GCN1: variants seen among roughly 807,000 people sequenced by gnomAD.
GCN1 encodes the protein stalled ribosome sensor GCN1.
A neutral mutation model predicts 288.4 loss-of-function variants in GCN1; 90 were observed. The observed-to-expected ratio is 0.31, with a 90% CI of 0.26 to 0.37. The LOEUF is 0.37. GCN1 is among the 10% of genes least tolerant of loss of function. The probability of loss-of-function intolerance (pLI) is 1.00; values close to 1 mark genes in which losing one functional copy is unlikely to be tolerated. For missense variants in GCN1, 2,586 were observed against 3,419.9 expected, an observed-to-expected ratio of 0.76 and a Z score of 6.08; for synonymous variants, 1,386 against 1,420.2, an observed-to-expected ratio of 0.98 and a Z score of 0.54.
chr12:120,129,406 G>T lies in GCN1; in HGVS notation c.7760C>A (p.Pro2587His), dbSNP rs1209472111. ...ANKDPLPPLD[P>H]QAIKPILKAL... ...CTTCAGGATGGGCTTGATGGCCTGG[G>T]GGTCCAGGGGAGGCAGTGGGTCCTT... The change falls in exon 57 of 58, where the codon CCC (proline) becomes CAC (histidine). Residue 2587 changes from proline to histidine, a missense_variant. Physicochemically the swap from Pro to His is moderately conservative, Grantham distance 77. This residue lies in a region of GCN1 where 355 missense variants were observed against 431.1 expected (regional missense o/e 0.82). Transcript: ENST00000300648. 1.2e-6 allele frequency: 2 copies of T among 1,613,750 alleles called. No homozygotes were observed. Among genetic ancestry groups the T allele is most frequent in the Non-Finnish European group, 1.7e-6 (2 of 1,179,650 alleles).
chr12:120,176,740 T>C (rs2139132565), intron 9 of GCN1, among the ~76,000 whole-genome samples: 1 of 152,298 alleles, frequency 6.6e-6, no homozygotes, highest in African/African-American at 2.4e-5. Context: ...CTTTTGTGCA[T>C]TCTTCTGACA....
At chr12:120,163,017 T>C (rs759133169) in intron 19 of GCN1, 46 bp from the exon 20 acceptor site, 4 of 1,613,704 alleles carry the variant, frequency 2.5e-6, no homozygotes, top group Admixed American at 1.7e-5. Context: ...TGGCCTGCTC[T>C]TACCCCATCC....
In GCN1 at chr12:120,156,432, C is replaced by G. The variant is rs745911292; in HGVS notation, c.3312+29G>C. 2.4e-5 allele frequency: 39 copies of G among 1,608,666 alleles called. No homozygotes were observed. Among genetic ancestry groups the G allele is most frequent in the Non-Finnish European group, 3.3e-5 (39 of 1,176,700 alleles). On this transcript the variant is annotated intron_variant, in intron 28 of 57. Coordinates refer to ENST00000300648, the MANE Select transcript of GCN1 (RefSeq NM_006836.2). The surrounding 1 kb of genome is among the most constrained non-coding windows in gnomAD (Gnocchi z 5.8). ...CACTTGCATAGAGTGACAAGGGACA[C>G]TGCAGTGGCTCTGAGACTGAGCACA...
intron 16 of GCN1, among the ~76,000 whole-genome samples, chr12:120,167,082 G>A (rs973063400): frequency 1.3e-5 from 2 of 151,996 alleles, no homozygotes; most frequent in African/African-American, 4.8e-5. Context: ...GCTCATGCCT[G>A]TAATCCCAGC....
chr12:120,159,400 G>A (rs899148494), intron 24 of GCN1, among the ~76,000 whole-genome samples: 5 of 152,188 alleles, frequency 3.3e-5, no homozygotes, highest in Non-Finnish European at 7.3e-5. Context: ...AGAACTGCCA[G>A]CCACCCTACC....
At chr12:120,139,163 A>G (rs1335187787) in intron 45 of GCN1, among the ~76,000 whole-genome samples, 1 of 151,986 alleles carries the variant, frequency 6.6e-6, no homozygotes, top group Non-Finnish European at 1.5e-5. Context: ...TACAAAAATT[A>G]GCTGGGTGTG....
In GCN1 at chr12:120,157,868, G is replaced by A. The variant is rs749860794; in HGVS notation, c.3068C>T (p.Pro1023Leu). The change falls in exon 26 of 58, where the codon CCA becomes CTA. Residue 1023 changes from proline (P) to leucine (L), a missense_variant. Coordinates refer to ENST00000300648, the MANE Select transcript of GCN1 (RefSeq NM_006836.2). Reference protein sequence around the residue: ...QAQLRASPNTPPGRVDENGPE... With the variant: ...QAQLRASPNTLPGRVDENGPE... ...GCCAACCTCGTCCACCCGCCCGGGT[G>A]GGGTGTTGGGGGAGGCCCTCAGCTG... is the stretch of plus-strand genomic sequence containing the variant. 4 of 1,613,660 alleles carry A rather than the reference G, an allele frequency of 2.5e-6. No homozygotes were observed. The highest frequency in any genetic ancestry group is 3.3e-5 in the Admixed American group (2 of 60,020).
At chr12:120,179,563 C>T (rs1878586149) in intron 5 of GCN1, among the ~76,000 whole-genome samples, 1 of 152,082 alleles carries the variant, frequency 6.6e-6, no homozygotes, top group Non-Finnish European at 1.5e-5. Context: ...CCATGCCCAC[C>T]TAATTTTTTG....
chr12:120,130,986 C>T (rs1191602030), intron 55 of GCN1, among the ~76,000 whole-genome samples, 199 bp downstream of exon 55: 2 of 152,198 alleles, frequency 1.3e-5, no homozygotes, highest in Admixed American at 6.5e-5. Context: ...GATTCTTCAA[C>T]CCAAATTCCT....
At position 120,160,030 on chromosome 12, in the gene GCN1, G is replaced by A; in HGVS notation, c.2551-7C>T. 6.2e-7 allele frequency: 1 copy of A among 1,613,802 alleles called. No individual in the cohort carries two copies. Among genetic ancestry groups the A allele is most frequent in the Non-Finnish European group, 8.5e-7 (1 of 1,179,676 alleles). On this transcript the variant is annotated splice_region_variant and splice_polypyrimidine_tract_variant and intron_variant, in intron 23 of 57. Transcript: ENST00000300648. Reference sequence around the variant, plus strand: ...CCTCCAGCTCCCCATCCAGCTGCAAGCAGAGTTGTCCAGAAGGCAGGTCAG... The same window carrying A: ...CCTCCAGCTCCCCATCCAGCTGCAAACAGAGTTGTCCAGAAGGCAGGTCAG...
chr12:120,145,197 C>A, intron 39 of GCN1, 65 bp downstream of exon 39: 2 of 1,556,770 alleles, frequency 1.3e-6, no homozygotes, highest in South Asian at 1.2e-5. Flanking sequence ...GGGGAATTCT[C>A]AGGAATCCAT....
intron 13 of GCN1, 33 bp from the exon 14 acceptor site, chr12:120,173,859 A>G (rs1878386443): frequency 1.9e-6 from 3 of 1,577,126 alleles, no homozygotes; most frequent in Non-Finnish European, 2.6e-6. Flanking sequence ...AGTCAGTCCA[A>G]TGTCTTATAA....
chr12:120,154,937 T>C (rs771692048), intron 31 of GCN1, 33 bp downstream of exon 31: 25 of 1,578,426 alleles, frequency 1.6e-5, no homozygotes, highest in Non-Finnish European at 2.2e-5. Flanking sequence ...CTCACAAAGC[T>C]TGGAGTAGAA....
chr12:120,155,434 T>C lies in GCN1; in HGVS notation c.3441-4A>G. 6.2e-7 allele frequency: 1 copy of C among 1,612,654 alleles called. No homozygotes were observed. The highest frequency in any genetic ancestry group is 8.5e-7 in the Non-Finnish European group (1 of 1,179,146). On this transcript the variant is annotated splice_region_variant and splice_polypyrimidine_tract_variant and intron_variant, in intron 29 of 57. Transcript: ENST00000300648. This position sits in a 1 kb window ranked among gnomAD's most constrained non-coding sequence, Gnocchi z 4.9. ...TAGGCCCATCATTGACCAGAGCCTG[T>C]GGGAGATCCAAGGCAGGGGCTGCTT...
At chr12:120,176,765 T>G (rs1471863548) in intron 9 of GCN1, among the ~76,000 whole-genome samples, 1 of 151,796 alleles carries the variant, frequency 6.6e-6, no homozygotes, top group Non-Finnish European at 1.5e-5. Context: ...AGCCCATGAC[T>G]TTTTCTCTTT....
Position 120,127,835 on chromosome 12 carries a change from CT to C in GCN1, c.*13del, listed in dbSNP as rs780803042. ...AAGATGTGGAGCGGCAATGCTGCTG[CT>C]GGCCCAGGCCTCTCATGTCAGGATG... On this transcript the variant is annotated 3_prime_UTR_variant, in exon 58 of 58. Coordinates refer to ENST00000300648, the MANE Select transcript of GCN1 (RefSeq NM_006836.2). The C allele has an allele frequency of 1.8e-5, 29 of 1,609,372 alleles. No homozygotes were observed. The highest frequency in any genetic ancestry group is 2.5e-5 in the Non-Finnish European group (29 of 1,176,454).
Position 120,129,318 on chromosome 12 carries a change from A to G in GCN1, c.7848T>C (p.Ile2616=), listed in dbSNP as rs777416354. 1.2e-6 allele frequency: 2 copies of G among 1,614,044 alleles called. No individual in the cohort carries two copies. Among genetic ancestry groups the G allele is most frequent in the Admixed American group, 1.7e-5 (1 of 60,004 alleles). Residue 2616 remains isoleucine (I), a synonymous_variant, in exon 57 of 58, where the codon ATT becomes ATC. Coordinates refer to ENST00000300648, the MANE Select transcript of GCN1 (RefSeq NM_006836.2). ...CCTGCCGCATCTTGAGGAGGTTGACAATTGCCTGGTCGCTGTAGGCCCTGA... is the reference window on the plus strand; with the variant it reads ...CCTGCCGCATCTTGAGGAGGTTGACGATTGCCTGGTCGCTGTAGGCCCTGA... ...TVVRAYSDQA[I]VNLLKMRQGE... is the part of the protein sequence containing the mutation.
In GCN1 at chr12:120,176,195, T is replaced by G. The variant is rs756057633; in HGVS notation, c.861A>C (p.Ser287=). The G allele has an allele frequency of 6.2e-7, 1 of 1,611,064 alleles. No homozygotes were observed. Among genetic ancestry groups the G allele is most frequent in the Non-Finnish European group, 8.5e-7 (1 of 1,177,150 alleles). ...VIETISSLLA[S]VTLDLSQYAM... is the part of the protein sequence containing the mutation. ...CATACTGGCTGAGGTCAAGCGTCAC[T>G]GATGCCAGCAGACTAGAAATAGCTA... Residue 287 remains serine, a synonymous_variant, in exon 10 of 58, where the codon TCA becomes TCC. Coordinates refer to ENST00000300648, the MANE Select transcript of GCN1 (RefSeq NM_006836.2).
rs1341414932 is a variant in GCN1, at chr12:120,160,000, C to T, written c.2574G>A (p.Ala858=). 4 of 1,614,136 alleles carry T rather than the reference C, an allele frequency of 2.5e-6. No individual in the cohort carries two copies. Among genetic ancestry groups the T allele is most frequent in the South Asian group, 1.1e-5 (1 of 91,084 alleles). Residue 858 remains alanine, a synonymous_variant, in exon 24 of 58, where the codon GCG becomes GCA. Transcript: ENST00000300648. ...CCAGGATGATGTCCAGCAGTCCAAG[C>T]GCCGCCTCCAGCTCCCCATCCAGCT... ...LQELDGELEA[A]LGLLDIILAK... is the part of the protein sequence containing the mutation.
Sources: gnomAD v4.1 joint callset for allele counts (sites outside exome capture counted in the v4.1 genomes callset) on GRCh38, gnomAD v4.1.1 for gene constraint, gnomAD v4.1.1 regional missense constraint, Gnocchi (gnomAD v3.1) non-coding constraint, MANE v1.5 for transcripts, NCBI Gene and HGNC (gene_info 2026-07-23, HGNC 2026-07-21) for gene names.